Variants in ABCC3 observed in about 807,000 individuals in gnomAD.
ABCC3 encodes the protein ATP binding cassette subfamily C member 3.
In ABCC3, 121 loss-of-function variants were observed where a neutral mutation model predicts 165.3. The ratio of observed to expected loss-of-function variants is 0.73; its 90% CI spans 0.63 to 0.85. ABCC3 has a LOEUF of 0.85. ABCC3 is among the 40% of genes least tolerant of loss of function. The pLI is 0.00. For missense variants in ABCC3, 1,869 were observed against 1,964.1 expected, an observed-to-expected ratio of 0.95 and a Z score of 0.92; for synonymous variants, 733 against 810.1, an observed-to-expected ratio of 0.90 and a Z score of 1.62.
rs1218835250 is a variant in ABCC3, at chr17:50,669,219, G to T, written c.2017G>T (p.Ala673Ser). 1.2e-6 allele frequency: 2 copies of T among 1,613,374 alleles called. No homozygotes were observed. Among genetic ancestry groups the T allele is most frequent in the African/African-American group, 1.3e-5 (1 of 75,020 alleles). The change falls in exon 16 of 31, where the codon GCC becomes TCC. Residue 673 changes from alanine to serine, a missense_variant. Coordinates refer to ENST00000285238, the MANE Select transcript of ABCC3 (RefSeq NM_003786.4). ...VGCGKSSLVS[A>S]LLGEMEKLEG... ...CTGTGGGAAGTCCTCCCTGGTGTCT[G>T]CCCTGCTGGGAGAGATGGAGAAGCT...
intron 10 of ABCC3, chr17:50,664,400 G>C: frequency 2.4e-6 from 1 of 416,564 alleles, no homozygotes; most frequent in South Asian, 2.6e-5. Context: ...TAGCAGAGGG[G>C]ATATAGAATT....
chr17:50,659,425 C>A, intron 7 of ABCC3, 57 bp downstream of exon 7: 1 of 1,559,788 alleles, frequency 6.4e-7, no homozygotes, highest in Non-Finnish European at 8.7e-7. Context: ...AGATCTCCTG[C>A]AGAGGACGCT....
intron 1 of ABCC3, 144 bp downstream of exon 1, chr17:50,635,125 T>A: frequency 1.1e-6 from 1 of 912,104 alleles, no homozygotes; most frequent in Non-Finnish European, 1.5e-6. Flanking sequence ...GAGGGGGCGA[T>A]GGGCTCGGGA....
At position 50,676,651 on chromosome 17, in the gene ABCC3, G is replaced by T. The variant is rs112491979; in HGVS notation, c.3378+63G>T. On this transcript the variant is annotated intron_variant, in intron 23 of 30. Transcript: ENST00000285238. ...TATTGGGGCGGGGCAACACATGGGC[G>T]GGGGCAGCAGGGGTGGGACACTTCA... 8.4e-3 allele frequency: 10,955 copies of T among 1,302,432 alleles called. 139 individuals carry two copies. The highest frequency in any genetic ancestry group is 9.9e-3 in the Non-Finnish European group (9,328 of 938,240). The allele number at this position is 1,302,432 out of a possible 1,614,324, so 80.7% of individuals were successfully genotyped here.
At chr17:50,670,460 T>C (rs569279287) in intron 17 of ABCC3, among the ~76,000 whole-genome samples, 8 of 152,170 alleles carry the variant, frequency 5.3e-5, no homozygotes, top group Non-Finnish European at 1.2e-4. Flanking sequence ...ATTTACCATA[T>C]ATTTATTAAG....
intron 1 of ABCC3, among the ~76,000 whole-genome samples, chr17:50,655,415 A>AAAAC (rs1567827886): frequency 6.1e-5 from 9 of 148,506 alleles, no homozygotes; most frequent in South Asian, 2.1e-4. Context: ...AAAAAAAAAA[A>AAAAC]AAAAAACAAA....
At chr17:50,676,690 A>G in intron 23 of ABCC3, 102 bp downstream of exon 23, 2 of 1,173,426 alleles carry the variant, frequency 1.7e-6, no homozygotes, top group South Asian at 3.1e-5. Flanking sequence ...CACCAACATT[A>G]CAGAGTTTTG....
rs559353179 is a variant in ABCC3, at chr17:50,676,102, G to T, written c.3067+12G>T. 2 of 1,613,974 alleles carry T rather than the reference G, an allele frequency of 1.2e-6. No homozygotes were observed. Among genetic ancestry groups the T allele is most frequent in the South Asian group, 2.2e-5 (2 of 91,030 alleles). On this transcript the variant is annotated intron_variant, in intron 22 of 30. Transcript: ENST00000285238. The stretch of plus-strand genomic sequence containing the variant: ...AGGAATTCTGCAAGGTGAGCTTGTG[G>T]GGGTGTCCAGAAGGGGCTCCAATAT...
chr17:50,675,827 C>G, intron 21 of ABCC3, 52 bp downstream of exon 21: 1 of 1,600,648 alleles, frequency 6.2e-7, no homozygotes, highest in Admixed American at 1.7e-5. Flanking sequence ...CAGGCCCCAG[C>G]AGCCCCAGGG....
chr17:50,635,549 A>G (rs1475504343), intron 1 of ABCC3: 3 of 702,442 alleles, frequency 4.3e-6, no homozygotes, highest in Admixed American at 2.0e-5. Flanking sequence ...AGAGCAGGCC[A>G]TCCCCACCAC....
chr17:50,653,191 C>T (rs572684814), intron 1 of ABCC3, among the ~76,000 whole-genome samples: 83 of 150,992 alleles, frequency 5.5e-4, no homozygotes, highest in Non-Finnish European at 9.6e-4. Context: ...ACTAAAAATA[C>T]AAAAATTAGT....
chr17:50,647,765 T>C (rs532515888), intron 1 of ABCC3, among the ~76,000 whole-genome samples: 1 of 152,294 alleles, frequency 6.6e-6, no homozygotes, highest in African/African-American at 2.4e-5. Context: ...AGGCTGGGCA[T>C]GGTGTCTCAC....
intron 6 of ABCC3, 193 bp downstream of exon 6, chr17:50,658,689 C>A: frequency 1.5e-6 from 1 of 657,132 alleles, no homozygotes; most frequent in Non-Finnish European, 2.7e-6. Context: ...CTGGCCTGGC[C>A]CAGTGCCGCC....
intron 26 of ABCC3, among the ~76,000 whole-genome samples, chr17:50,680,175 C>T (rs531974631): frequency 5.9e-5 from 9 of 152,246 alleles, no homozygotes; most frequent in Admixed American, 2.0e-4. Context: ...AGATCTCTGG[C>T]GTGGTGCACC....
At position 50,679,896 on chromosome 17, in the gene ABCC3, A is replaced by G. The variant is rs202037627; in HGVS notation, c.3804A>G (p.Thr1268=). Reference sequence around the variant, plus strand: ...TCAAGGAGTACTCCAAGACAGAGACAGAGGTGGGTACTGGCATGAGCCCGG... The same window carrying G: ...TCAAGGAGTACTCCAAGACAGAGACGGAGGTGGGTACTGGCATGAGCCCGG... ...ERVKEYSKTE[T]EAPWVVEGSR... Residue 1268 remains threonine (T), a synonymous_variant, in exon 26 of 31, where the codon ACA becomes ACG. Transcript: ENST00000285238. 202 of 1,613,446 alleles carry G rather than the reference A, an allele frequency of 1.3e-4. No homozygotes were observed. Among genetic ancestry groups the G allele is most frequent in the Non-Finnish European group, 1.7e-4 (197 of 1,179,422 alleles).
At chr17:50,683,570 A>C (rs373859263) in intron 26 of ABCC3, 40 bp from the exon 27 acceptor site, 2 of 1,503,192 alleles carry the variant, frequency 1.3e-6, no homozygotes, top group Non-Finnish European at 1.8e-6. Context: ...AGAGGGCTTC[A>C]CTGGGCAGCT....
At chr17:50,656,490 G>C (rs1438949736) in intron 2 of ABCC3, among the ~76,000 whole-genome samples, 1 of 152,200 alleles carries the variant, frequency 6.6e-6, no homozygotes, top group Non-Finnish European at 1.5e-5. Context: ...TATACAGCCA[G>C]CTGACATATT....
chr17:50,668,990 T>C lies in ABCC3; in HGVS notation c.1937+71T>C, dbSNP rs921137315. Reference sequence around the variant, plus strand: ...GAAGTTCAGATCAATAGCAGCACCCTGCAAAGCCTTTGACCAAGAATGCAG... The same window carrying C: ...GAAGTTCAGATCAATAGCAGCACCCCGCAAAGCCTTTGACCAAGAATGCAG... On this transcript the variant is annotated intron_variant, in intron 15 of 30. Transcript: ENST00000285238. 1.9e-6 allele frequency: 3 copies of C among 1,597,896 alleles called. No individual in the cohort carries two copies. In the African/African-American group the frequency reaches 4.0e-5, roughly 21 times the overall value.
At chr17:50,658,811 TG>T (rs1967315010) in intron 6 of ABCC3, among the ~76,000 whole-genome samples, 1 of 152,264 alleles carries the variant, frequency 6.6e-6, no homozygotes, top group South Asian at 2.1e-4. Context: ...ACTTGCAGCC[TG>T]TCATCTCCTT....
Sources: allele counts gnomAD v4.1 joint callset (sites outside exome capture counted in the v4.1 genomes callset), GRCh38; gene constraint gnomAD v4.1.1; transcripts MANE v1.5; gene names NCBI Gene and HGNC (gene_info 2026-07-23, HGNC 2026-07-21).